The following DYNC2H1 variants were observed in gnomAD, a reference collection of about 807,000 sequenced individuals.
DYNC2H1 encodes dynein cytoplasmic 2 heavy chain 1, also known as cytoplasmic dynein 2 heavy chain 1.
A neutral mutation model predicts 570.0 loss-of-function variants in DYNC2H1; 410 were observed. The ratio of observed to expected loss-of-function variants is 0.72; its 90% CI spans 0.66 to 0.78. DYNC2H1 has a LOEUF of 0.78. Ranked by LOEUF, DYNC2H1 falls within the 30% of genes least tolerant of loss-of-function variation. DYNC2H1 has a pLI of 0.00. For synonymous variants in DYNC2H1, 1,688 were observed against 1,677.6 expected (o/e 1.01, Z -0.15); for missense variants, 4,865 against 5,046.4 (o/e 0.96, Z 1.09).
chr11:103,192,063 A>G (rs774778530), intron 46 of DYNC2H1, 34 bp from the exon 47 acceptor site: 11 of 1,389,038 alleles, frequency 7.9e-6, no homozygotes, highest in Non-Finnish European at 9.7e-6. Context: ...AAAAATCATT[A>G]TATTACAATT....
chr11:103,202,210 T>C (rs906309679), intron 50 of DYNC2H1, among the ~76,000 whole-genome samples: 1 of 151,938 alleles, frequency 6.6e-6, no homozygotes, highest in African/African-American at 2.4e-5. Context: ...CTTTTGATAT[T>C]TAAGGAATAC....
In DYNC2H1 at chr11:103,222,983, A is replaced by T. The variant is rs527478018; in HGVS notation, c.9250A>T (p.Thr3084Ser). ...TTTTCAGAATGCTAAGCGTGCCAGT[A>T]CTGCAGCTGCACCTTTGGCTGCCTG... ...FDPKNAKRAS[T>S]AAAPLAAWVK... The change falls in exon 59 of 89, where the codon ACT (threonine) becomes TCT (serine). Residue 3084 changes from threonine to serine, a missense_variant. Physicochemically the swap from Thr to Ser is moderately conservative, Grantham distance 58. Coordinates refer to ENST00000375735, the MANE Select transcript of DYNC2H1 (RefSeq NM_001377.3). 1 of 1,613,286 alleles carries T rather than the reference A, an allele frequency of 6.2e-7. No homozygotes were observed. The highest frequency in any genetic ancestry group is 1.3e-5 in the African/African-American group (1 of 74,908).
At chr11:103,231,201 C>T in intron 59 of DYNC2H1, 59 bp from the exon 60 acceptor site, 2 of 1,033,582 alleles carry the variant, frequency 1.9e-6, no homozygotes, top group East Asian at 2.6e-5. Context: ...GGTGCTGCTG[C>T]TGCTTTATAG....
intron 26 of DYNC2H1, among the ~76,000 whole-genome samples, chr11:103,158,261 C>T (rs1009028199): frequency 6.6e-6 from 1 of 152,118 alleles, no homozygotes. Flanking sequence ...TCGTGGCTAA[C>T]ACGGTGAAAC....
chr11:103,286,846 A>G (rs1271681238), intron 74 of DYNC2H1, among the ~76,000 whole-genome samples: 1 of 152,144 alleles, frequency 6.6e-6, no homozygotes, highest in South Asian at 2.1e-4. Context: ...TCAGAAGTTG[A>G]TGCTCCAGAA....
At chr11:103,284,112 A>C (rs975386752) in intron 73 of DYNC2H1, among the ~76,000 whole-genome samples, 3 of 152,096 alleles carry the variant, frequency 2.0e-5, no homozygotes, top group African/African-American at 7.2e-5. Context: ...ATTCCCCACC[A>C]TTCCCCAGGT....
intron 84 of DYNC2H1, among the ~76,000 whole-genome samples, chr11:103,434,042 C>T (rs1406985186): frequency 6.6e-6 from 1 of 152,076 alleles, no homozygotes; most frequent in Non-Finnish European, 1.5e-5. Context: ...TTGCTCTTGG[C>T]TTTACCTTCT....
intron 82 of DYNC2H1, among the ~76,000 whole-genome samples, chr11:103,346,945 G>A (rs1939773903): frequency 6.6e-6 from 1 of 152,172 alleles, no homozygotes; most frequent in African/African-American, 2.4e-5. Flanking sequence ...AGAAGGATAA[G>A]CTGTCACCAC....
chr11:103,164,821 T>C (rs1262624849), intron 30 of DYNC2H1, among the ~76,000 whole-genome samples: 1 of 152,182 alleles, frequency 6.6e-6, no homozygotes, highest in Non-Finnish European at 1.5e-5. Flanking sequence ...TTGTTAGCCA[T>C]TCACAGAAAT....
intron 47 of DYNC2H1, among the ~76,000 whole-genome samples, chr11:103,196,344 A>G (rs1429162581): frequency 6.6e-6 from 1 of 152,144 alleles, no homozygotes; most frequent in East Asian, 1.9e-4. Context: ...GTCTTTTGGA[A>G]ATCTACATGG....
intron 85 of DYNC2H1, among the ~76,000 whole-genome samples, chr11:103,451,144 A>G (rs1199021706): frequency 2.0e-5 from 3 of 151,988 alleles, no homozygotes; most frequent in Non-Finnish European, 4.4e-5. Context: ...TGATATATAG[A>G]GATAGGTTTT....
rs368955947 is a variant in DYNC2H1 at position 103,160,972 on chromosome 11, A to C, written c.4419A>C (p.Ile1473=). 1.3e-6 allele frequency: 2 copies of C among 1,572,898 alleles called. No individual in the cohort carries two copies. The highest frequency in any genetic ancestry group is 1.7e-6 in the Non-Finnish European group (2 of 1,162,358). Reference sequence around the variant, plus strand: ...GCTTTGATGAGAAATCAAAACATATAACTGCAATGAAATCTTTAGAGGGAG... The same window carrying C: ...GCTTTGATGAGAAATCAAAACATATCACTGCAATGAAATCTTTAGAGGGAG... ...SVCFDEKSKH[I]TAMKSLEGEV... Residue 1473 remains isoleucine (I), a synonymous_variant, in exon 29 of 89, where the codon ATA becomes ATC. Coordinates refer to ENST00000375735, the MANE Select transcript of DYNC2H1 (RefSeq NM_001377.3).
In DYNC2H1 at chr11:103,280,152, C is replaced by T. The variant is rs1866072481; in HGVS notation, c.10696-196C>T. On this transcript the variant is annotated intron_variant, in intron 70 of 88. Transcript: ENST00000375735. This position sits in a 1 kb window ranked among gnomAD's most constrained non-coding sequence, Gnocchi z 4.7. ...CTTTCTCCAAAAATGTGATCACTTA[C>T]TTACTCTGACCCCACCCCTGACTTG... Among the ~76,000 whole-genome samples the T allele has an allele frequency of 1.3e-5, 2 of 152,102 alleles. No individual in the cohort carries two copies. Among genetic ancestry groups the T allele is most frequent in the African/African-American group, 4.8e-5 (2 of 41,438 alleles).
At chr11:103,253,217 A>G (rs1864907010) in intron 65 of DYNC2H1, 68 bp from the exon 66 acceptor site, 22 of 1,454,914 alleles carry the variant, frequency 1.5e-5, no homozygotes, top group Non-Finnish European at 2.0e-5. Flanking sequence ...TAAAAATTAT[A>G]TTTTCAAATA....
At chr11:103,459,308 C>CAAAA (rs33941099) in intron 87 of DYNC2H1, among the ~76,000 whole-genome samples, 33 of 52,430 alleles carry the variant, frequency 6.3e-4, no homozygotes, top group Non-Finnish European at 9.1e-4. Flanking sequence ...GACTCCGTCT[C>CAAAA]AAAAAAAAAA....
At chr11:103,338,814 C>T (rs1418659301) in intron 82 of DYNC2H1, among the ~76,000 whole-genome samples, 1 of 152,160 alleles carries the variant, frequency 6.6e-6, no homozygotes, top group African/African-American at 2.4e-5. Flanking sequence ...CAGGATTGGT[C>T]ACTGGTGCCC....
intron 87 of DYNC2H1, among the ~76,000 whole-genome samples, chr11:103,468,052 C>T (rs900727227): frequency 6.6e-6 from 1 of 152,026 alleles, no homozygotes; most frequent in Non-Finnish European, 1.5e-5. Flanking sequence ...ACCAAAAGAA[C>T]CGTGTTTTCA....
intron 88 of DYNC2H1, among the ~76,000 whole-genome samples, chr11:103,471,016 GT>G (rs1347751114): frequency 6.6e-6 from 1 of 152,130 alleles, no homozygotes; most frequent in Non-Finnish European, 1.5e-5. Flanking sequence ...GGTTGAACTA[GT>G]TTACAGTCCC....
Position 103,181,786 on chromosome 11 carries a change from T to A in DYNC2H1, c.6377T>A (p.Ile2126Lys). ...SDEETDLNSL[I>K]KSWLRNQPAE... ...GAAGAGACAGATCTTAATTCTCTGA[T>A]AAAATCTTGGTTGAGGAATCAGCCT... The change falls in exon 40 of 89, where the codon ATA (isoleucine) becomes AAA (lysine). Residue 2126 changes from isoleucine to lysine, a missense_variant. Ile to Lys is a moderately radical substitution (Grantham distance 102, BLOSUM62 -3). Around this residue, in one of 5 missense-constraint regions of DYNC2H1, gnomAD observed 231 missense variants for 310.3 expected, o/e 0.74. Transcript: ENST00000375735. The surrounding 1 kb of genome is among the most constrained non-coding windows in gnomAD (Gnocchi z 5.0). 6.4e-7 allele frequency: 1 copy of A among 1,571,040 alleles called. No homozygotes were observed.
Sources: gnomAD v4.1 joint callset for allele counts (sites outside exome capture counted in the v4.1 genomes callset) on GRCh38, gnomAD v4.1.1 for gene constraint, gnomAD v4.1.1 regional missense constraint, Gnocchi (gnomAD v3.1) non-coding constraint, MANE v1.5 for transcripts, NCBI Gene and HGNC (gene_info 2026-07-23, HGNC 2026-07-21) for gene names.